Variants in CLDN12 observed in about 807,000 individuals in gnomAD.
CLDN12 encodes the protein claudin 12.
In CLDN12, 9 loss-of-function variants were observed where a neutral mutation model predicts 15.5. The ratio of observed to expected loss-of-function variants is 0.58; its 90% CI spans 0.35 to 1.02. The LOEUF (loss-of-function observed/expected upper bound fraction) is 1.02. Ranked by LOEUF, CLDN12 falls within the 50% of genes least tolerant of loss-of-function variation. The pLI is 0.02. For synonymous variants in CLDN12, 140 were observed against 121.6 expected, an observed-to-expected ratio of 1.15 and a Z score of -1.00; for missense variants, 233 against 297.3, an observed-to-expected ratio of 0.78 and a Z score of 1.59.
Position 90,413,283 on chromosome 7 carries a change from C to A in CLDN12, c.607C>A (p.Pro203Thr). The A allele has an allele frequency of 6.2e-7, 1 of 1,614,128 alleles. No homozygotes were observed. The highest frequency in any genetic ancestry group is 8.5e-7 in the Non-Finnish European group (1 of 1,180,024). Residue 203 changes from proline (P) to threonine (T), a missense_variant, in exon 4 of 4, where the codon CCT becomes ACT. Transcript: ENST00000496677. Reference protein sequence around the residue: ...FIWYCTCKSLPSPFWQPLYSH... With the variant: ...FIWYCTCKSLTSPFWQPLYSH... ...TTGGTATTGTACATGCAAATCTTTG[C>A]CTTCTCCTTTCTGGCAACCATTGTA...
Position 90,412,847 on chromosome 7 carries a change from A to G in CLDN12, c.171A>G (p.Lys57=), listed in dbSNP as rs1017072069. 9.9e-6 allele frequency: 16 copies of G among 1,614,076 alleles called. No homozygotes were observed. Among genetic ancestry groups the G allele is most frequent in the Non-Finnish European group, 1.4e-5 (16 of 1,180,028 alleles). Residue 57 remains lysine, a synonymous_variant, in exon 4 of 4, where the codon AAA becomes AAG. Coordinates refer to ENST00000496677, the MANE Select transcript of CLDN12 (RefSeq NM_001185072.3). ...NLTVYTGLWV[K]CARYDGSSDC... ...CTGTTTACACAGGCCTGTGGGTGAA[A>G]TGTGCCCGGTATGACGGGAGCAGTG...
chr7:90,405,481 T>C (rs1796816431), intron 1 of CLDN12, 38 bp from the exon 2 acceptor site: 1 of 152,236 alleles, frequency 6.6e-6, no homozygotes, highest in Non-Finnish European at 1.5e-5. Context: ...TTTAGAGAAG[T>C]ACTATGTTAA....
intron 2 of CLDN12, among the ~76,000 whole-genome samples, chr7:90,406,463 T>G (rs1413120429): frequency 1.3e-5 from 2 of 152,208 alleles, no homozygotes; most frequent in Non-Finnish European, 2.9e-5. Context: ...TGTTCTGTCC[T>G]TCTTGTTATA....
At position 90,413,087 on chromosome 7, in the gene CLDN12, G is replaced by T. The variant is rs1200239537; in HGVS notation, c.411G>T (p.Gly137=). 1 of 1,614,030 alleles carries T rather than the reference G, an allele frequency of 6.2e-7. No homozygotes were observed. The highest frequency in any genetic ancestry group is 8.5e-7 in the Non-Finnish European group (1 of 1,180,042). Residue 137 remains glycine, a synonymous_variant, in exon 4 of 4, where the codon GGG becomes GGT. Coordinates refer to ENST00000496677, the MANE Select transcript of CLDN12 (RefSeq NM_001185072.3). The stretch of plus-strand genomic sequence containing the variant: ...GTGCAGGTTGCCACCTGGTGGCTGG[G>T]CTGCTATTTTTCCTGGCAGGTACTG... ...VNSAGCHLVA[G]LLFFLAGTVS...
Position 90,414,123 on chromosome 7 carries a change from G to A in CLDN12, c.*712G>A. 2.0e-6 allele frequency: 2 copies of A among 1,000,182 alleles called. No individual in the cohort carries two copies. Among genetic ancestry groups the A allele is most frequent in the Non-Finnish European group, 2.4e-6 (2 of 830,000 alleles). 62.0% of individuals were successfully genotyped at this position (1,000,182 alleles called of 1,614,324 possible). A position where few individuals can be genotyped will look rare whatever the true frequency, so the allele number is the denominator to read the frequency against. ...TTAGAATGTGCTTTATGACAGGTTAGTGTTTCCTCTGAGGCAGAAAACTCT... is the reference window on the plus strand; with the variant it reads ...TTAGAATGTGCTTTATGACAGGTTAATGTTTCCTCTGAGGCAGAAAACTCT... On this transcript the variant is annotated 3_prime_UTR_variant, in exon 4 of 4. Coordinates refer to ENST00000496677, the MANE Select transcript of CLDN12 (RefSeq NM_001185072.3).
At chr7:90,405,641 C>T (rs1796820400) in intron 2 of CLDN12, 33 bp downstream of exon 2, 1 of 152,158 alleles carries the variant, frequency 6.6e-6, no homozygotes, top group Non-Finnish European at 1.5e-5. Context: ...TCTTATTTCC[C>T]TCCCTCCTGC....
At chr7:90,404,686 C>T (rs1164500108) in intron 1 of CLDN12, among the ~76,000 whole-genome samples, 3 of 152,132 alleles carry the variant, frequency 2.0e-5, no homozygotes, top group East Asian at 3.8e-4. Flanking sequence ...CTTATCCTTT[C>T]ACCGTAGTCA....
At chr7:90,409,001 A>G (rs1015684196) in intron 2 of CLDN12, 3 of 152,042 alleles carry the variant, frequency 2.0e-5, no homozygotes, top group East Asian at 1.9e-4. Context: ...GGCTCAAGCT[A>G]TCCTCCCACC....
intron 2 of CLDN12, among the ~76,000 whole-genome samples, chr7:90,408,678 G>T (rs1157687289): frequency 1.3e-5 from 2 of 152,118 alleles, no homozygotes; most frequent in Non-Finnish European, 2.9e-5. Flanking sequence ...CTTCCCTTCT[G>T]AAAAAGTGCC....
At chr7:90,412,521 G>A (rs1796987749) in intron 3 of CLDN12, 123 bp from the exon 4 acceptor site, 1 of 773,834 alleles carries the variant, frequency 1.3e-6, no homozygotes, top group African/African-American at 1.7e-5. Context: ...GGAAACAAGG[G>A]AGAGACTTTC....
chr7:90,410,127 A>G (rs1212662925), intron 2 of CLDN12, among the ~76,000 whole-genome samples: 1 of 151,926 alleles, frequency 6.6e-6, no homozygotes, highest in East Asian at 1.9e-4. Flanking sequence ...ATAAGCAAAG[A>G]CCACCAGAGA....
At chr7:90,406,958 T>C (rs1248786450) in intron 2 of CLDN12, among the ~76,000 whole-genome samples, 1 of 152,198 alleles carries the variant, frequency 6.6e-6, no homozygotes, top group African/African-American at 2.4e-5. Context: ...TTGTTTAGCT[T>C]TAATAAATAT....
At position 90,415,017 on chromosome 7, in the gene CLDN12, G is replaced by A. The variant is rs1797045730; in HGVS notation, c.*1606G>A. 6.0e-6 allele frequency: 1 copy of A among 166,890 alleles called. No individual in the cohort carries two copies. Among genetic ancestry groups the A allele is most frequent in the African/African-American group, 2.4e-5 (1 of 41,426 alleles). 10.3% of individuals were successfully genotyped at this position (166,890 alleles called of 1,614,324 possible). A position where few individuals can be genotyped will look rare whatever the true frequency, so the allele number is the denominator to read the frequency against. The stretch of plus-strand genomic sequence containing the variant: ...TTAACCATTACAGATTTTACAAACA[G>A]CTAGTTATATGGTAAACAGATTATT... On this transcript the variant is annotated 3_prime_UTR_variant, in exon 4 of 4. Coordinates refer to ENST00000496677, the MANE Select transcript of CLDN12 (RefSeq NM_001185072.3).
At position 90,414,818 on chromosome 7, in the gene CLDN12, G is replaced by A. The variant is rs1026303981; in HGVS notation, c.*1407G>A. 4.8e-5 allele frequency: 8 copies of A among 166,954 alleles called. No individual in the cohort carries two copies. The highest frequency in any genetic ancestry group is 1.4e-4 in the African/African-American group (6 of 41,416). 10.3% of individuals were successfully genotyped at this position (166,954 alleles called of 1,614,324 possible). Reference sequence around the variant, plus strand: ...GTATGATGATGTATTAAGGATGGAGGAGTTATTAAAAATGTCTCTTCTGAT... The same window carrying A: ...GTATGATGATGTATTAAGGATGGAGAAGTTATTAAAAATGTCTCTTCTGAT... On this transcript the variant is annotated 3_prime_UTR_variant, in exon 4 of 4. Coordinates refer to ENST00000496677, the MANE Select transcript of CLDN12 (RefSeq NM_001185072.3).
chr7:90,411,901 A>T (rs1300070145), intron 2 of CLDN12, 106 bp from the exon 3 acceptor site: 3 of 152,206 alleles, frequency 2.0e-5, no homozygotes, highest in Non-Finnish European at 4.4e-5. Context: ...TTGGCATAGC[A>T]TTTGTTGTGT....
chr7:90,414,194 A>C lies in CLDN12; in HGVS notation c.*783A>C. The C allele has an allele frequency of 1.0e-6, 1 of 1,000,098 alleles. No individual in the cohort carries two copies. The highest frequency in any genetic ancestry group is 1.2e-6 in the Non-Finnish European group (1 of 829,934). 62.0% of individuals were successfully genotyped at this position (1,000,098 alleles called of 1,614,324 possible). A position where few individuals can be genotyped will look rare whatever the true frequency, so the allele number is the denominator to read the frequency against. ...CAAGCAGTACTCGTGCCCATATACA[A>C]TCTCTTAGTGGCTAGGAGAAATAAA... On this transcript the variant is annotated 3_prime_UTR_variant, in exon 4 of 4. Coordinates refer to ENST00000496677, the MANE Select transcript of CLDN12 (RefSeq NM_001185072.3).
At chr7:90,405,041 C>T (rs562409913) in intron 1 of CLDN12, among the ~76,000 whole-genome samples, 8 of 151,938 alleles carry the variant, frequency 5.3e-5, no homozygotes, top group African/African-American at 1.7e-4. Context: ...AACACGTGTG[C>T]ACCATCACAC....
At position 90,411,044 on chromosome 7, in the gene CLDN12, A is replaced by G. The variant is rs891090944; in HGVS notation, c.-76-963A>G. On this transcript the variant is annotated intron_variant, in intron 2 of 3. Transcript: ENST00000496677. ...AAAATTATTCCTATATTATATGACT[A>G]GATTAAATATACAAATAACATTGTT... Among the ~76,000 whole-genome samples, 6 of 152,246 alleles carry G rather than the reference A, an allele frequency of 3.9e-5. No individual in the cohort carries two copies. The East Asian group carries it at 1.2e-3, about 29-fold the overall frequency.
At chr7:90,407,400 C>T (rs1418504486) in intron 2 of CLDN12, among the ~76,000 whole-genome samples, 2 of 152,120 alleles carry the variant, frequency 1.3e-5, no homozygotes, top group African/African-American at 4.8e-5. Context: ...GGGGCACAGT[C>T]TAGAAACAGT....
Sources: gnomAD v4.1 joint callset for allele counts (sites outside exome capture counted in the v4.1 genomes callset) on GRCh38, gnomAD v4.1.1 for gene constraint, MANE v1.5 for transcripts, NCBI Gene and HGNC (gene_info 2026-07-23, HGNC 2026-07-21) for gene names.